MECOM: variants seen among roughly 807,000 people sequenced by gnomAD.
MECOM encodes the protein histone-lysine N-methyltransferase MECOM.
A neutral mutation model predicts 116.3 loss-of-function variants in MECOM; 13 were observed. That is an observed-to-expected ratio of 0.11 (90% CI 0.07 to 0.18). MECOM has a LOEUF of 0.18. Among genes scored for constraint, MECOM ranks in the 10% least tolerant of loss-of-function variants. MECOM has a pLI of 1.00. For missense variants in MECOM, 1,299 were observed against 1,509.0 expected (o/e 0.86, Z 2.31); for synonymous variants, 528 against 535.2 (o/e 0.99, Z 0.19).
At chr3:169,645,305 T>C (rs1259874410) in intron 1 of MECOM, among the ~76,000 whole-genome samples, 5 of 152,200 alleles carry the variant, frequency 3.3e-5, no homozygotes, top group Admixed American at 3.3e-4. Context: ...ATGTATTTTT[T>C]TTTTCTGGTT....
intron 2 of MECOM, among the ~76,000 whole-genome samples, chr3:169,224,123 T>C (rs1752449088): frequency 6.6e-6 from 1 of 152,192 alleles, no homozygotes. Flanking sequence ...CTAAGGAGTA[T>C]GATGGGGAGC....
rs572121095 is a variant in MECOM, at chr3:169,320,473, G to C, written c.375+60714C>G. On this transcript the variant is annotated intron_variant, in intron 2 of 16. Transcript: ENST00000651503. ...TGAGTAGAGGTATAGTTGGTCAGGA[G>C]GAAACGGTAATTAAAGACTAACCCT... Among the ~76,000 whole-genome samples the C allele has an allele frequency of 2.6e-5, 4 of 152,266 alleles. No homozygotes were observed. In the East Asian group the frequency reaches 7.7e-4, roughly 29 times the overall value.
At chr3:169,214,185 T>C (rs1419516445) in intron 2 of MECOM, among the ~76,000 whole-genome samples, 1 of 152,158 alleles carries the variant, frequency 6.6e-6, no homozygotes, top group Non-Finnish European at 1.5e-5. Flanking sequence ...GCCAACTTTT[T>C]TTTTAAACTA....
chr3:169,506,214 CCAA>C (rs769870919), intron 1 of MECOM, among the ~76,000 whole-genome samples: 1 of 152,284 alleles, frequency 6.6e-6, no homozygotes, highest in South Asian at 2.1e-4. Flanking sequence ...TCTGCTGAAG[CCAA>C]CAACAGCTTG....
Position 169,508,252 on chromosome 3 carries a change from A to G in MECOM, c.38-126728T>C, listed in dbSNP as rs546755066. ...ACAATTATTTTGTTGAGTATTCTCT[A>G]TTTTCTCCTATCCCTACACTTCATC... On this transcript the variant is annotated intron_variant, in intron 1 of 16. Transcript: ENST00000651503. Among the ~76,000 whole-genome samples the G allele has an allele frequency of 6.2e-4, 95 of 152,078 alleles. 1 individual carries two copies. The highest frequency in any genetic ancestry group is 2.2e-3 in the African/African-American group (91 of 41,478).
chr3:169,585,443 T>C (rs1577000225), intron 1 of MECOM, among the ~76,000 whole-genome samples: 1 of 152,244 alleles, frequency 6.6e-6, no homozygotes, highest in Non-Finnish European at 1.5e-5. Flanking sequence ...ATTTTAATTA[T>C]GTGTGTATTT....
chr3:169,522,839 A>T (rs1242264501), intron 1 of MECOM, among the ~76,000 whole-genome samples: 1 of 152,216 alleles, frequency 6.6e-6, no homozygotes, highest in Non-Finnish European at 1.5e-5. Context: ...AGTGCTCTGA[A>T]GTAGTGAATG....
chr3:169,601,157 T>C (rs1767789447), intron 1 of MECOM, among the ~76,000 whole-genome samples: 1 of 152,170 alleles, frequency 6.6e-6, no homozygotes. Flanking sequence ...CACTTAGGTG[T>C]CGCCACAAAC....
rs769439942 is a variant in MECOM, at chr3:169,613,300, G to A, written c.37+50036C>T. Among the ~76,000 whole-genome samples, 11 of 152,142 alleles carry A rather than the reference G, an allele frequency of 7.2e-5. No homozygotes were observed. In the South Asian group the frequency reaches 2.1e-3, roughly 29 times the overall value. On this transcript the variant is annotated intron_variant, in intron 1 of 16. Transcript: ENST00000651503. The stretch of plus-strand genomic sequence containing the variant: ...GAAGCAGGAGATGGCTCATCAAAGC[G>A]TCTCTGCAAGCCCCTACTACTCATC...
chr3:169,551,373 T>TAA lies in MECOM; in HGVS notation c.37+111961_37+111962dup, dbSNP rs201636185. On this transcript the variant is annotated intron_variant, in intron 1 of 16. Transcript: ENST00000651503. Reference sequence around the variant, plus strand: ...AAGAAGAAAACAAATATCTACACTTTAAAAAAAAAAAAAGTCAACTTGAAA... The same window carrying TAA: ...AAGAAGAAAACAAATATCTACACTTTAAAAAAAAAAAAAAAGTCAACTTGAAA... 5.9e-3 allele frequency among the ~76,000 whole-genome samples: 858 copies of TAA among 145,774 alleles called. 9 individuals are homozygous for TAA. Among genetic ancestry groups the TAA allele is most frequent in the African/African-American group, 0.021 (820 of 39,538 alleles).
At chr3:169,185,021 C>T (rs1435626604) in intron 2 of MECOM, among the ~76,000 whole-genome samples, 2 of 152,050 alleles carry the variant, frequency 1.3e-5, no homozygotes, top group Non-Finnish European at 2.9e-5. Context: ...GATGGTGAGC[C>T]TATTAACCCC....
chr3:169,290,092 C>T (rs1452792782), intron 2 of MECOM, among the ~76,000 whole-genome samples: 1 of 151,968 alleles, frequency 6.6e-6, no homozygotes, highest in African/African-American at 2.4e-5. Context: ...CCGATACTAC[C>T]CTAAACAATA....
chr3:169,088,970 C>T, intron 16 of MECOM, 30 bp downstream of exon 16: 1 of 1,468,738 alleles, frequency 6.8e-7, no homozygotes, highest in Non-Finnish European at 9.0e-7. Flanking sequence ...ATAATGTAAC[C>T]ATGATGCTGT....
intron 2 of MECOM, among the ~76,000 whole-genome samples, chr3:169,265,075 T>C (rs1292991249): frequency 1.3e-5 from 2 of 152,216 alleles, no homozygotes; most frequent in Admixed American, 1.3e-4. Context: ...CCAATATTCT[T>C]GATATATAAA....
At position 169,542,401 on chromosome 3, in the gene MECOM, G is replaced by A. The variant is rs1181105168; in HGVS notation, c.37+120935C>T. Among the ~76,000 whole-genome samples, 5 of 151,984 alleles carry A rather than the reference G, an allele frequency of 3.3e-5. No homozygotes were observed. The East Asian group carries it at 7.7e-4, about 23-fold the overall frequency. On this transcript the variant is annotated intron_variant, in intron 1 of 16. Transcript: ENST00000651503. ...CCTATGCAATAACATCATAATGGCA[G>A]AATAATCACTGTAAACAATGCCCTG...
intron 12 of MECOM, among the ~76,000 whole-genome samples, chr3:169,098,523 T>G (rs1189626532): frequency 6.6e-6 from 1 of 152,204 alleles, no homozygotes; most frequent in Non-Finnish European, 1.5e-5. Context: ...CATGTCTAAC[T>G]TCTGGCATTG....
chr3:169,543,016 A>C (rs543436512), intron 1 of MECOM, among the ~76,000 whole-genome samples: 28 of 152,238 alleles, frequency 1.8e-4, no homozygotes, highest in Non-Finnish European at 3.4e-4. Context: ...GGATATTTGA[A>C]ATTGGGATCA....
At chr3:169,538,907 C>A (rs879643515) in intron 1 of MECOM, among the ~76,000 whole-genome samples, 8 of 152,020 alleles carry the variant, frequency 5.3e-5, no homozygotes, top group Non-Finnish European at 1.2e-4. Context: ...GGGAAAAGTA[C>A]CTTCACTCCT....
Position 169,186,620 on chromosome 3 carries a change from A to G in MECOM, c.376-42788T>C, listed in dbSNP as rs144631251. On this transcript the variant is annotated intron_variant, in intron 2 of 16. Transcript: ENST00000651503. ...TTCTGAATGTAATAACTGCATAACT[A>G]TATTCTGTGACTCCCAGTAACTTTT... is the stretch of plus-strand genomic sequence containing the variant. Among the ~76,000 whole-genome samples, 59 of 152,262 alleles carry G rather than the reference A, an allele frequency of 3.9e-4. No individual in the cohort carries two copies. The East Asian group carries it at 0.01, about 26-fold the overall frequency.
Sources: allele counts gnomAD v4.1 joint callset (sites outside exome capture counted in the v4.1 genomes callset), GRCh38; gene constraint gnomAD v4.1.1; transcripts MANE v1.5; gene names NCBI Gene and HGNC (gene_info 2026-07-23, HGNC 2026-07-21).